Variants in KIF16B observed in about 807,000 individuals in gnomAD.
The protein encoded by KIF16B is kinesin family member 16B.
A neutral mutation model predicts 156.3 loss-of-function variants in KIF16B; 98 were observed. That is an observed-to-expected ratio of 0.63 (90% CI 0.53 to 0.74). The LOEUF (loss-of-function observed/expected upper bound fraction) is 0.74. Among genes scored for constraint, KIF16B ranks in the 30% least tolerant of loss-of-function variants. KIF16B has a pLI of 0.00. For missense variants in KIF16B, 1,421 were observed against 1,606.5 expected, an observed-to-expected ratio of 0.88 and a Z score of 1.97; for synonymous variants, 564 against 583.7, an observed-to-expected ratio of 0.97 and a Z score of 0.49.
intron 12 of KIF16B, among the ~76,000 whole-genome samples, chr20:16,486,894 C>T (rs957901626): frequency 6.6e-6 from 1 of 151,954 alleles, no homozygotes; most frequent in Non-Finnish European, 1.5e-5. Flanking sequence ...AATCGATGAC[C>T]ATAAATAAAA....
intron 3 of KIF16B, among the ~76,000 whole-genome samples, chr20:16,518,735 G>C (rs181426274): frequency 2.6e-5 from 4 of 151,800 alleles, no homozygotes; most frequent in African/African-American, 4.8e-5. Flanking sequence ...AAATATTAAC[G>C]GTCATCTTAC....
intron 17 of KIF16B, among the ~76,000 whole-genome samples, chr20:16,397,899 C>T (rs1056186229): frequency 2.0e-5 from 3 of 152,220 alleles, no homozygotes; most frequent in African/African-American, 7.2e-5. Context: ...GCTGAGAGCA[C>T]ATGTGCTGGC....
At chr20:16,410,575 A>G (rs1286863815) in intron 15 of KIF16B, among the ~76,000 whole-genome samples, 1 of 152,078 alleles carries the variant, frequency 6.6e-6, no homozygotes, top group African/African-American at 2.4e-5. Context: ...ACTTTATACA[A>G]TATTTTAAAT....
intron 22 of KIF16B, among the ~76,000 whole-genome samples, chr20:16,361,223 T>C (rs570605017): frequency 1.1e-4 from 16 of 152,350 alleles, no homozygotes; most frequent in African/African-American, 3.8e-4. Context: ...AGCTATTATG[T>C]CTCAAGTACC....
chr20:16,569,935 T>A (rs1248830800), intron 1 of KIF16B, among the ~76,000 whole-genome samples: 1 of 152,204 alleles, frequency 6.6e-6, no homozygotes, highest in East Asian at 1.9e-4. Flanking sequence ...GGTATCAGTG[T>A]TAGGTTTCTT....
intron 25 of KIF16B, among the ~76,000 whole-genome samples, chr20:16,284,152 C>T (rs2063187511): frequency 6.6e-6 from 1 of 152,218 alleles, no homozygotes; most frequent in Non-Finnish European, 1.5e-5. Flanking sequence ...ATGAGTCACA[C>T]CAGGACAGCC....
intron 12 of KIF16B, among the ~76,000 whole-genome samples, chr20:16,467,560 A>G (rs4814501): frequency 0.5 from 75,491 of 151,984 alleles, 19,612 homozygotes; most frequent in African/African-American, 0.67. Context: ...AAGAACATAC[A>G]GATCATGTAA....
intron 1 of KIF16B, among the ~76,000 whole-genome samples, chr20:16,529,379 T>C (rs6080286): frequency 0.15 from 22,701 of 152,272 alleles, 2,108 homozygotes; most frequent in Non-Finnish European, 0.21. Context: ...AATCTAGCTG[T>C]GTACCACAAA....
At chr20:16,382,118 T>A (rs778176263) in intron 17 of KIF16B, 30 of 1,355,252 alleles carry the variant, frequency 2.2e-5, no homozygotes, top group Non-Finnish European at 2.9e-5. Context: ...TGGGTCCTTT[T>A]ATAGGGAAAA....
intron 17 of KIF16B, among the ~76,000 whole-genome samples, chr20:16,384,408 C>T (rs889727672): frequency 1.3e-5 from 2 of 152,108 alleles, no homozygotes; most frequent in Non-Finnish European, 2.9e-5. Flanking sequence ...GTCATTCTTT[C>T]TCTTGCATGA....
At chr20:16,494,432 A>C in intron 11 of KIF16B, 82 bp from the exon 12 acceptor site, 420 of 803,424 alleles carry the variant, frequency 5.2e-4, no homozygotes, top group Non-Finnish European at 7.6e-4. Context: ...CTAATATCTC[A>C]TGGAAAGATG....
chr20:16,472,646 G>T (rs546528958), intron 12 of KIF16B, among the ~76,000 whole-genome samples: 1 of 151,708 alleles, frequency 6.6e-6, no homozygotes, highest in East Asian at 1.9e-4. Context: ...TTCCTGAATG[G>T]TGTCATTATC....
chr20:16,465,057 C>T (rs1005637465), intron 12 of KIF16B, among the ~76,000 whole-genome samples: 3 of 152,170 alleles, frequency 2.0e-5, no homozygotes, highest in Non-Finnish European at 4.4e-5. Flanking sequence ...TGCAGGTTCT[C>T]ATCTATTTAA....
intron 23 of KIF16B, among the ~76,000 whole-genome samples, chr20:16,342,332 C>T (rs1473358908): frequency 6.6e-6 from 1 of 152,068 alleles, no homozygotes; most frequent in Non-Finnish European, 1.5e-5. Flanking sequence ...TGGGTGGACT[C>T]TCATTGCAGA....
At chr20:16,438,818 A>C (rs975135974) in intron 12 of KIF16B, among the ~76,000 whole-genome samples, 3 of 152,210 alleles carry the variant, frequency 2.0e-5, no homozygotes, top group African/African-American at 4.8e-5. Context: ...GAATAAAAAC[A>C]ATACTGGTAG....
intron 12 of KIF16B, among the ~76,000 whole-genome samples, chr20:16,451,580 C>T (rs566843698): frequency 3.3e-5 from 5 of 151,430 alleles, no homozygotes; most frequent in Non-Finnish European, 5.9e-5. Context: ...CAAAATTACT[C>T]TGCAGAAGAA....
rs1456362492 is a variant in KIF16B at position 16,508,016 on chromosome 20, G to T, written c.641C>A (p.Thr214Asn). The T allele has an allele frequency of 3.7e-6, 6 of 1,614,030 alleles. No homozygotes were observed. Among genetic ancestry groups the T allele is most frequent in the Non-Finnish European group, 5.1e-6 (6 of 1,180,018 alleles). Reference protein sequence around the residue: ...AGNINRTTAATGMNDVSSRSH... With the variant: ...AGNINRTTAANGMNDVSSRSH... ...CCTGCTACTGACGTCGTTCATCCCA[G>T]TCGCTGCGGTGGTCCGGTTGATATT... The change falls in exon 7 of 26, where the codon ACT becomes AAT. Residue 214 changes from threonine to asparagine, a missense_variant. By Grantham distance (65) the Thr-to-Asn change is moderately conservative (BLOSUM62 0). Coordinates refer to ENST00000354981, the MANE Select transcript of KIF16B (RefSeq NM_024704.5).
intron 10 of KIF16B, among the ~76,000 whole-genome samples, chr20:16,503,018 C>A (rs1046693655): frequency 1.3e-5 from 2 of 152,124 alleles, no homozygotes; most frequent in Non-Finnish European, 2.9e-5. Flanking sequence ...AGTTCCAGAC[C>A]AGACTGGTCA....
intron 25 of KIF16B, among the ~76,000 whole-genome samples, chr20:16,299,105 T>C (rs909673285): frequency 3.2e-4 from 49 of 152,328 alleles, no homozygotes; most frequent in Middle Eastern, 3.4e-3. Flanking sequence ...TATTTGATGA[T>C]AGTATTGTGG....
Sources: allele counts gnomAD v4.1 joint callset (sites outside exome capture counted in the v4.1 genomes callset), GRCh38; gene constraint gnomAD v4.1.1; transcripts MANE v1.5; gene names NCBI Gene and HGNC (gene_info 2026-07-23, HGNC 2026-07-21).